AKAP6: variants seen among roughly 807,000 people sequenced by gnomAD.
The protein encoded by AKAP6 is A-kinase anchor protein 6.
Under a neutral mutation model 188.5 loss-of-function variants are expected in AKAP6, and 58 were observed. The observed-to-expected ratio is 0.31, with a 90% confidence interval of 0.25 to 0.38. The LOEUF is 0.38. AKAP6 is among the 10% of genes least tolerant of loss of function. AKAP6 has a pLI of 1.00. For synonymous variants in AKAP6, 989 were observed against 998.6 expected (o/e 0.99, Z 0.18); for missense variants, 2,710 against 2,740.0 (o/e 0.99, Z 0.24).
At chr14:32,456,787 C>G (rs1891158464) in intron 2 of AKAP6, among the ~76,000 whole-genome samples, 1 of 152,100 alleles carries the variant, frequency 6.6e-6, no homozygotes, top group African/African-American at 2.4e-5. Flanking sequence ...CGTGCTGTTT[C>G]TTTTGTGCTA....
At chr14:32,453,382 G>A (rs1891000623) in intron 2 of AKAP6, among the ~76,000 whole-genome samples, 1 of 151,982 alleles carries the variant, frequency 6.6e-6, no homozygotes, top group African/African-American at 2.4e-5. Flanking sequence ...GTCACGAGGT[G>A]GCGGGATTTT....
intron 11 of AKAP6, among the ~76,000 whole-genome samples, chr14:32,762,152 C>G (rs2300843): frequency 0.21 from 32,071 of 151,874 alleles, 4,883 homozygotes; most frequent in African/African-American, 0.42. Flanking sequence ...TAAAAGTTAC[C>G]TTCCTATAAT....
rs951709989 is a variant in AKAP6, at chr14:32,501,106, C to T, written c.325-34448C>T. ...AGAAGCCACAAATGAATCATACTTG[C>T]GATTTTTAAATTTTCTAAATCAAGA... On this transcript the variant is annotated intron_variant, in intron 2 of 13. Transcript: ENST00000280979. 2.6e-5 allele frequency among the ~76,000 whole-genome samples: 4 copies of T among 152,102 alleles called. No individual in the cohort carries two copies. In the South Asian group the frequency reaches 6.2e-4, roughly 24 times the overall value.
intron 2 of AKAP6, among the ~76,000 whole-genome samples, chr14:32,519,290 C>T (rs868306696): frequency 3.9e-5 from 6 of 152,116 alleles, no homozygotes; most frequent in African/African-American, 1.2e-4. Flanking sequence ...CATCAACTAA[C>T]GAGCAAAATA....
intron 12 of AKAP6, among the ~76,000 whole-genome samples, chr14:32,782,051 G>C (rs1249806275): frequency 1.3e-5 from 2 of 152,008 alleles, no homozygotes; most frequent in African/African-American, 4.8e-5. Flanking sequence ...TGTAATCCCA[G>C]CTACTCTGGA....
At chr14:32,470,949 T>G (rs975843065) in intron 2 of AKAP6, among the ~76,000 whole-genome samples, 3 of 152,292 alleles carry the variant, frequency 2.0e-5, no homozygotes, top group African/African-American at 7.2e-5. Flanking sequence ...CCTAAGACCT[T>G]TAATCCATCT....
intron 5 of AKAP6, among the ~76,000 whole-genome samples, chr14:32,584,075 C>T (rs1368616962): frequency 7.9e-5 from 12 of 152,208 alleles, no homozygotes; most frequent in African/African-American, 1.7e-4. Flanking sequence ...GCATCACTCA[C>T]GCTGGGAGCT....
chr14:32,591,357 T>A (rs890924850), intron 5 of AKAP6, among the ~76,000 whole-genome samples: 6 of 152,070 alleles, frequency 3.9e-5, no homozygotes, highest in African/African-American at 9.7e-5. Flanking sequence ...ATTCTGTCAC[T>A]TGGAGCCACC....
chr14:32,638,065 GA>G (rs1194094509), intron 7 of AKAP6, among the ~76,000 whole-genome samples: 8 of 152,096 alleles, frequency 5.3e-5, no homozygotes, highest in Admixed American at 2.0e-4. Context: ...CAGTGGCTTG[GA>G]AAAGGCTATA....
At chr14:32,608,297 G>GAGTTCA (rs539393585) in intron 7 of AKAP6, among the ~76,000 whole-genome samples, 2,166 of 152,144 alleles carry the variant, frequency 0.014, 45 homozygotes, top group African/African-American at 0.047. Flanking sequence ...ATGAGGTCAG[G>GAGTTCA]AGACAAGCCT....
chr14:32,396,630 TTTG>T (rs1888888358), intron 1 of AKAP6, among the ~76,000 whole-genome samples: 1 of 152,180 alleles, frequency 6.6e-6, no homozygotes, highest in African/African-American at 2.4e-5. Flanking sequence ...CCCTTACTCT[TTTG>T]TGAGAGTTTC....
At chr14:32,747,714 T>C (rs759673716) in intron 11 of AKAP6, among the ~76,000 whole-genome samples, 2 of 152,190 alleles carry the variant, frequency 1.3e-5, no homozygotes, top group African/African-American at 2.4e-5. Context: ...TTATTCACAC[T>C]ACTGTCTGAG....
intron 4 of AKAP6, among the ~76,000 whole-genome samples, chr14:32,554,155 T>A (rs1369359956): frequency 6.6e-6 from 1 of 152,274 alleles, no homozygotes; most frequent in African/African-American, 2.4e-5. Flanking sequence ...ACCTGCTTTT[T>A]AAAATATTAT....
intron 7 of AKAP6, among the ~76,000 whole-genome samples, chr14:32,649,648 TAATAA>T (rs1423276637): frequency 3.9e-5 from 6 of 152,224 alleles, no homozygotes; most frequent in African/African-American, 1.2e-4. Context: ...AAATATGAAT[TAATAA>T]AATATAAGTT....
At chr14:32,739,654 A>C (rs1178498430) in intron 11 of AKAP6, among the ~76,000 whole-genome samples, 1 of 152,138 alleles carries the variant, frequency 6.6e-6, no homozygotes, top group Non-Finnish European at 1.5e-5. Context: ...TATTTCACTT[A>C]ACAAAATGAT....
rs1407271478 is a variant in AKAP6, at chr14:32,496,235, G to A, written c.325-39319G>A. On this transcript the variant is annotated intron_variant, in intron 2 of 13. Transcript: ENST00000280979. ...AGCTGATCACTTTTAAGGAATCTAT[G>A]TATAAAATGAATAGAGAGTTACAAC... is the stretch of plus-strand genomic sequence containing the variant. 3.3e-5 allele frequency among the ~76,000 whole-genome samples: 5 copies of A among 152,088 alleles called. No homozygotes were observed. The East Asian group carries it at 9.6e-4, about 29-fold the overall frequency.
At chr14:32,443,397 C>A (rs11628486) in intron 2 of AKAP6, among the ~76,000 whole-genome samples, 107,297 of 149,228 alleles carry the variant, frequency 0.72, 39,231 homozygotes, top group African/African-American at 0.87. Flanking sequence ...CATCTCAAAA[C>A]AAAACAAAAC....
At chr14:32,586,970 A>G (rs888207424) in intron 5 of AKAP6, among the ~76,000 whole-genome samples, 1 of 152,204 alleles carries the variant, frequency 6.6e-6, no homozygotes, top group Non-Finnish European at 1.5e-5. Flanking sequence ...ACTGTCCTTG[A>G]TAGAGATTTT....
intron 7 of AKAP6, among the ~76,000 whole-genome samples, chr14:32,606,476 A>T (rs1177848786): frequency 6.6e-6 from 1 of 152,180 alleles, no homozygotes; most frequent in Non-Finnish European, 1.5e-5. Flanking sequence ...CTTATAATGG[A>T]GACCAGGATT....
Sources: allele counts gnomAD v4.1 joint callset (sites outside exome capture counted in the v4.1 genomes callset), GRCh38; gene constraint gnomAD v4.1.1; transcripts MANE v1.5; gene names NCBI Gene and HGNC (gene_info 2026-07-23, HGNC 2026-07-21).